The following SNTG1 variants were observed in gnomAD, a reference collection of about 807,000 sequenced individuals.
SNTG1 encodes the protein syntrophin gamma 1, also known as gamma-1-syntrophin.
A neutral mutation model predicts 74.7 loss-of-function variants in SNTG1; 39 were observed. That is an observed-to-expected ratio of 0.52 (90% CI 0.40 to 0.68). The LOEUF (loss-of-function observed/expected upper bound fraction) is 0.68, where lower values mean the gene tolerates loss of function less well. Ranked by LOEUF, SNTG1 falls within the 30% of genes least tolerant of loss-of-function variation. SNTG1 has a pLI of 0.00. For missense variants in SNTG1, 685 were observed against 609.5 expected (o/e 1.12, Z -1.30); for synonymous variants, 254 against 217.1 (o/e 1.17, Z -1.49).
intron 13 of SNTG1, among the ~76,000 whole-genome samples, chr8:50,621,685 A>G (rs1361828625): frequency 6.6e-6 from 1 of 152,202 alleles, no homozygotes; most frequent in Non-Finnish European, 1.5e-5. Context: ...TTAATGCATT[A>G]TCCTGACAAG....
intron 8 of SNTG1, among the ~76,000 whole-genome samples, chr8:50,474,389 A>G (rs1471800656): frequency 6.6e-6 from 1 of 151,896 alleles, no homozygotes; most frequent in South Asian, 2.1e-4. Context: ...GAAAAAAAAA[A>G]AACAACCCCA....
At chr8:50,002,456 A>G (rs1240788708) in intron 1 of SNTG1, among the ~76,000 whole-genome samples, 3 of 152,198 alleles carry the variant, frequency 2.0e-5, no homozygotes, top group African/African-American at 7.2e-5. Context: ...CAGTAATAAA[A>G]GTGCAATATT....
chr8:49,941,658 T>A (rs926127460), intron 1 of SNTG1, among the ~76,000 whole-genome samples: 1 of 152,076 alleles, frequency 6.6e-6, no homozygotes, highest in Non-Finnish European at 1.5e-5. Context: ...TCTGGCTGCC[T>A]GCCTGCCTTG....
chr8:50,671,641 C>T (rs1475164515), intron 15 of SNTG1, among the ~76,000 whole-genome samples: 1 of 152,082 alleles, frequency 6.6e-6, no homozygotes, highest in Non-Finnish European at 1.5e-5. Flanking sequence ...TGTGGTGATT[C>T]CTCAGAGATC....
intron 17 of SNTG1, among the ~76,000 whole-genome samples, chr8:50,742,524 G>A (rs938138641): frequency 5.3e-5 from 8 of 151,740 alleles, no homozygotes; most frequent in Non-Finnish European, 1.2e-4. Flanking sequence ...AGGGAAACTT[G>A]TAGGAGTATA....
rs574558994 is a variant in SNTG1 at position 50,487,393 on chromosome 8, A to T, written c.364-15385A>T. On this transcript the variant is annotated intron_variant, in intron 8 of 18. Coordinates refer to ENST00000642720, the MANE Select transcript of SNTG1 (RefSeq NM_018967.5). Reference sequence around the variant, plus strand: ...GCTATAAAGACACATGCACACGTTTATTTATTGTGGCATTATTCACAATAG... The same window carrying T: ...GCTATAAAGACACATGCACACGTTTTTTTATTGTGGCATTATTCACAATAG... 1.2e-3 allele frequency among the ~76,000 whole-genome samples: 187 copies of T among 152,266 alleles called. 1 individual carries two copies. Among genetic ancestry groups the T allele is most frequent in the African/African-American group, 4.4e-3 (181 of 41,568 alleles).
chr8:50,519,743 CA>C (rs754451492), intron 9 of SNTG1, among the ~76,000 whole-genome samples: 24 of 152,126 alleles, frequency 1.6e-4, no homozygotes, highest in Non-Finnish European at 3.2e-4. Flanking sequence ...ATACAACTTA[CA>C]GGGGAAGTGA....
At chr8:50,256,539 G>A (rs1008590635) in intron 2 of SNTG1, among the ~76,000 whole-genome samples, 4 of 151,964 alleles carry the variant, frequency 2.6e-5, no homozygotes, top group South Asian at 2.1e-4. Flanking sequence ...CAGACTGGTA[G>A]GGGAGATGGA....
At chr8:50,507,000 T>A (rs1354043348) in intron 9 of SNTG1, among the ~76,000 whole-genome samples, 1 of 152,086 alleles carries the variant, frequency 6.6e-6, no homozygotes, top group Non-Finnish European at 1.5e-5. Flanking sequence ...CTATTCCTAG[T>A]TTGTAAAATG....
intron 15 of SNTG1, among the ~76,000 whole-genome samples, chr8:50,660,778 A>C (rs1187577821): frequency 6.6e-6 from 1 of 151,972 alleles, no homozygotes; most frequent in Non-Finnish European, 1.5e-5. Flanking sequence ...TTTTAAAGGA[A>C]ATAATAAACA....
At chr8:49,973,438 C>G (rs1027001809) in intron 1 of SNTG1, among the ~76,000 whole-genome samples, 5 of 151,612 alleles carry the variant, frequency 3.3e-5, no homozygotes, top group Non-Finnish European at 7.4e-5. Flanking sequence ...GGGTGCAGCA[C>G]ACCAACATGG....
At chr8:50,007,370 C>T (rs1217038175) in intron 1 of SNTG1, among the ~76,000 whole-genome samples, 1 of 151,824 alleles carries the variant, frequency 6.6e-6, no homozygotes, top group East Asian at 1.9e-4. Context: ...TCCAACATGT[C>T]TATAGTTGAG....
intron 1 of SNTG1, among the ~76,000 whole-genome samples, chr8:49,973,395 G>A (rs1811893885): frequency 6.6e-6 from 1 of 151,936 alleles, no homozygotes; most frequent in Non-Finnish European, 1.5e-5. Flanking sequence ...GGTAGCATTA[G>A]AAGATATACC....
chr8:50,727,992 G>A (rs1347780665), intron 17 of SNTG1, among the ~76,000 whole-genome samples: 1 of 152,130 alleles, frequency 6.6e-6, no homozygotes, highest in Admixed American at 6.5e-5. Context: ...AGAAAGCACC[G>A]TGGCTTATGG....
intron 9 of SNTG1, among the ~76,000 whole-genome samples, chr8:50,524,201 A>G (rs1443831547): frequency 6.6e-6 from 1 of 152,068 alleles, no homozygotes; most frequent in African/African-American, 2.4e-5. Context: ...TTTTAAATGG[A>G]TAATAACTTA....
chr8:50,298,841 A>G (rs1447636735), intron 2 of SNTG1, among the ~76,000 whole-genome samples: 1 of 152,178 alleles, frequency 6.6e-6, no homozygotes, highest in East Asian at 1.9e-4. Context: ...GCTCTGAGAA[A>G]TACAAGCAAG....
chr8:49,928,183 A>AT (rs199921884), intron 1 of SNTG1, among the ~76,000 whole-genome samples: 48 of 144,122 alleles, frequency 3.3e-4, no homozygotes, highest in Non-Finnish European at 6.4e-4. Context: ...AAATAAATAA[A>AT]AATAAAAAAG....
intron 13 of SNTG1, among the ~76,000 whole-genome samples, chr8:50,591,573 T>C (rs994178111): frequency 2.6e-5 from 4 of 152,224 alleles, no homozygotes; most frequent in Non-Finnish European, 4.4e-5. Flanking sequence ...TAAGTTTATT[T>C]TGAGGATTAA....
chr8:50,452,005 T>C (rs1325976941), intron 8 of SNTG1, among the ~76,000 whole-genome samples: 1 of 152,238 alleles, frequency 6.6e-6, no homozygotes, highest in East Asian at 1.9e-4. Flanking sequence ...TTTGAATAGA[T>C]TGCTCCTCTG....
Sources: gnomAD v4.1 joint callset for allele counts (sites outside exome capture counted in the v4.1 genomes callset) on GRCh38, gnomAD v4.1.1 for gene constraint, MANE v1.5 for transcripts, NCBI Gene and HGNC (gene_info 2026-07-23, HGNC 2026-07-21) for gene names.